Variants in PTP4A1 observed in about 807,000 individuals in gnomAD.
The protein encoded by PTP4A1 is protein tyrosine phosphatase type IVA 1.
PTP4A1 carries 9 observed loss-of-function variants against 20.5 expected under a neutral mutation model. The observed-to-expected ratio is 0.44, with a 90% CI of 0.26 to 0.77. The LOEUF is 0.77. PTP4A1 is among the 30% of genes least tolerant of loss of function. The probability of loss-of-function intolerance (pLI) is 0.19; values close to 1 mark genes in which losing one functional copy is unlikely to be tolerated. For synonymous variants in PTP4A1, 78 were observed against 67.4 expected (o/e 1.16, Z -0.77); for missense variants, 137 against 218.8 (o/e 0.63, Z 2.36).
In PTP4A1 at chr6:63,580,048, TCCTCCCAGA is replaced by T; in HGVS notation, c.405-8_405del. On this transcript the variant is annotated splice_acceptor_variant and splice_polypyrimidine_tract_variant and coding_sequence_variant and intron_variant, in exon 6 of 6. Transcript: ENST00000626021. LOFTEE classifies it high-confidence loss of function. ...GCCTTGTTTCATTTTTTTTTTTTTT[TCCTCCCAGA>T]AAGCGGCGTGGAGCTTTTAACAGCA... 1 of 1,575,790 alleles carries T rather than the reference TCCTCCCAGA, an allele frequency of 6.3e-7. No homozygotes were observed. The highest frequency in any genetic ancestry group is 1.4e-5 in the African/African-American group (1 of 72,854).
intron 3 of PTP4A1, among the ~76,000 whole-genome samples, chr6:63,564,386 G>A (rs1448702446): frequency 2.6e-5 from 4 of 152,022 alleles, no homozygotes; most frequent in Non-Finnish European, 4.4e-5. Context: ...AGATAGCAAC[G>A]TTTGTTGAAC....
chr6:63,542,188 C>T (rs1178960516), intron 2 of PTP4A1, among the ~76,000 whole-genome samples: 1 of 151,924 alleles, frequency 6.6e-6, no homozygotes, highest in East Asian at 1.9e-4. Context: ...AACCAAACAT[C>T]GTATGTTCTC....
chr6:63,576,552 C>T lies in PTP4A1; in HGVS notation c.-329C>T, dbSNP rs1247660329. ...AGTGAACTGTAGAAACTGATTACTG[C>T]TCCACCAAGAAGCCCCCATAAGAGT... is the stretch of plus-strand genomic sequence containing the variant. On this transcript the variant is annotated 5_prime_UTR_variant, in exon 2 of 6. Coordinates refer to ENST00000626021, the MANE Select transcript of PTP4A1 (RefSeq NM_003463.5). 6.8e-6 allele frequency: 3 copies of T among 442,418 alleles called. No individual in the cohort carries two copies. Among genetic ancestry groups the T allele is most frequent in the Non-Finnish European group, 1.2e-5 (3 of 252,094 alleles). The allele number at this position is 442,418 out of a possible 1,614,324, so 27.4% of individuals were successfully genotyped here.
In PTP4A1 at chr6:63,550,856, C is replaced by G. The variant is rs921120210; in HGVS notation, c.-446+363C>G. 2.0e-5 allele frequency among the ~76,000 whole-genome samples: 3 copies of G among 152,118 alleles called. 1 individual carries two copies. The highest frequency in any genetic ancestry group is 7.2e-5 in the African/African-American group (3 of 41,432). On this transcript the variant is annotated intron_variant, in intron 3 of 3. Transcript: ENST00000639568. Reference sequence around the variant, plus strand: ...GGCCAGGCCAGTCTCAAACTACTGACCTCAGGTGATCCGCCTGCCTCGGCC... The same window carrying G: ...GGCCAGGCCAGTCTCAAACTACTGAGCTCAGGTGATCCGCCTGCCTCGGCC...
At chr6:63,556,041 G>A (rs1001714804) in intron 3 of PTP4A1, among the ~76,000 whole-genome samples, 3 of 151,900 alleles carry the variant, frequency 2.0e-5, no homozygotes, top group Non-Finnish European at 4.4e-5. Flanking sequence ...ACACAATAAA[G>A]ACAATAGAAA....
In PTP4A1 at chr6:63,576,884, G is replaced by A. The variant is rs761421817; in HGVS notation, c.4G>A (p.Ala2Thr). The stretch of plus-strand genomic sequence containing the variant: ...AGTGTTTTTTAACTAAATTAACATG[G>A]CTCGAATGAACCGCCCAGCTCCTGT... M[A>T]RMNRPAPVEV... Residue 2 changes from alanine (A) to threonine (T), a missense_variant, in exon 2 of 6, where the codon GCT (alanine) becomes ACT (threonine). Transcript: ENST00000626021. 6.2e-7 allele frequency: 1 copy of A among 1,611,322 alleles called. No homozygotes were observed. Among genetic ancestry groups the A allele is most frequent in the Non-Finnish European group, 8.5e-7 (1 of 1,179,320 alleles).
chr6:63,526,864 C>T (rs575806954), intron 1 of PTP4A1, among the ~76,000 whole-genome samples: 2 of 139,110 alleles, frequency 1.4e-5, no homozygotes, highest in Middle Eastern at 3.9e-3. Context: ...TTAAGGGCTT[C>T]CATAGGATGC....
intron 2 of PTP4A1, among the ~76,000 whole-genome samples, chr6:63,537,647 A>G (rs1775781247): frequency 6.6e-6 from 1 of 152,246 alleles, no homozygotes; most frequent in Admixed American, 6.5e-5. Flanking sequence ...GTTTTTCCTA[A>G]AAGAAGTGTG....
intron 1 of PTP4A1, among the ~76,000 whole-genome samples, chr6:63,527,668 T>C (rs1562111813): frequency 6.6e-6 from 1 of 152,188 alleles, no homozygotes; most frequent in Non-Finnish European, 1.5e-5. Flanking sequence ...TAAGTAACCA[T>C]GTCCAAGGTC....
intron 2 of PTP4A1, 107 bp from the exon 3 acceptor site, chr6:63,578,327 ATCT>A (rs1437291727): frequency 1.4e-5 from 17 of 1,246,092 alleles, no homozygotes; most frequent in Non-Finnish European, 1.1e-5. Context: ...TCTTTAAATG[ATCT>A]TCTGTTAACC....
At chr6:63,531,446 G>T (rs964931384) in intron 2 of PTP4A1, among the ~76,000 whole-genome samples, 1 of 149,536 alleles carries the variant, frequency 6.7e-6, no homozygotes, top group African/African-American at 2.5e-5. Context: ...TGCCTACATA[G>T]ACATCACAAA....
chr6:63,580,179 GGGGTGCCTAATGCTAC>G lies in PTP4A1; in HGVS notation c.*6_*21del. The G allele has an allele frequency of 6.3e-7, 1 of 1,595,534 alleles. No homozygotes were observed. Among genetic ancestry groups the G allele is most frequent in the Non-Finnish European group, 8.6e-7 (1 of 1,164,138 alleles). ...AACAACTGTTGCATTCAATAAAATT[GGGGTGCCTAATGCTAC>G]TGGAAGTGGAACTTGAGATAGGGCC... is the stretch of plus-strand genomic sequence containing the variant. On this transcript the variant is annotated 3_prime_UTR_variant, in exon 6 of 6. Coordinates refer to ENST00000626021, the MANE Select transcript of PTP4A1 (RefSeq NM_003463.5).
intron 5 of PTP4A1, 45 bp from the exon 6 acceptor site, chr6:63,580,012 A>G (rs754197543): frequency 4.3e-6 from 6 of 1,397,082 alleles, no homozygotes; most frequent in Non-Finnish European, 6.0e-6. Flanking sequence ...ATATTACTGT[A>G]GGGGGCTTTT....
upstream of PTP4A1, among the ~76,000 whole-genome samples, chr6:63,570,488 T>C (rs1777369211): frequency 6.6e-6 from 1 of 152,234 alleles, no homozygotes; most frequent in East Asian, 1.9e-4. Flanking sequence ...CTTTTAGAAC[T>C]TGATGAGCAT....
At chr6:63,555,381 A>G (rs1430822637) in intron 3 of PTP4A1, among the ~76,000 whole-genome samples, 1 of 152,212 alleles carries the variant, frequency 6.6e-6, no homozygotes, top group Non-Finnish European at 1.5e-5. Flanking sequence ...TTAGATCTAG[A>G]CTAATAGGAA....
intron 3 of PTP4A1, 43 bp from the exon 4 acceptor site, chr6:63,578,855 T>TG: frequency 6.9e-7 from 1 of 1,440,458 alleles, no homozygotes; most frequent in East Asian, 2.4e-5. Context: ...ACTACAGTGT[T>TG]TATATTAATG....
At chr6:63,538,482 G>A (rs987596686) in intron 2 of PTP4A1, among the ~76,000 whole-genome samples, 12 of 152,146 alleles carry the variant, frequency 7.9e-5, no homozygotes, top group African/African-American at 2.9e-4. Context: ...TTGAATTCGA[G>A]ACACTAAGTG....
At position 63,583,354 on chromosome 6, in the gene PTP4A1, AAATT is replaced by A. The variant is rs1251705372; in HGVS notation, c.*3183_*3186del. On this transcript the variant is annotated 3_prime_UTR_variant, in exon 6 of 6. Transcript: ENST00000626021. The stretch of plus-strand genomic sequence containing the variant: ...TATATGTGCCTCACACCTGAATTGA[AAATT>A]AAAGACTGGTTTAAAAGTGGTTTAA... The A allele has an allele frequency of 2.0e-5, 3 of 152,220 alleles. No individual in the cohort carries two copies. In the East Asian group the frequency reaches 5.8e-4, roughly 29 times the overall value. 9.4% of individuals were successfully genotyped at this position (152,220 alleles called of 1,614,324 possible). A position where few individuals can be genotyped will look rare whatever the true frequency, so the allele number is the denominator to read the frequency against.
Position 63,572,512 on chromosome 6 carries a change from G to A in PTP4A1, c.-653G>A, listed in dbSNP as rs933730330. On this transcript the variant is annotated 5_prime_UTR_variant, in exon 1 of 6. Coordinates refer to ENST00000626021, the MANE Select transcript of PTP4A1 (RefSeq NM_003463.5). ...CGCGTGTATTGGCTCCTTCGGCTGC[G>A]GGCCGGCTCGGCTACGCGCTCTGCT... 5.1e-6 allele frequency: 2 copies of A among 391,278 alleles called. No homozygotes were observed. Among genetic ancestry groups the A allele is most frequent in the Admixed American group, 8.9e-5 (2 of 22,408 alleles). 24.2% of individuals were successfully genotyped at this position (391,278 alleles called of 1,614,324 possible). A position where few individuals can be genotyped will look rare whatever the true frequency, so the allele number is the denominator to read the frequency against.
Sources: gnomAD v4.1 joint callset for allele counts (sites outside exome capture counted in the v4.1 genomes callset) on GRCh38, gnomAD v4.1.1 for gene constraint, MANE v1.5 for transcripts, NCBI Gene and HGNC (gene_info 2026-07-23, HGNC 2026-07-21) for gene names.